Variants in CSPG5 observed in about 807,000 individuals in gnomAD.
CSPG5 encodes the protein chondroitin sulfate proteoglycan 5, also known as acidic leucine-rich EGF-like domain-containing brain protein.
A neutral mutation model predicts 39.8 loss-of-function variants in CSPG5; 25 were observed. The ratio of observed to expected loss-of-function variants is 0.63; its 90% CI spans 0.46 to 0.88. The LOEUF (loss-of-function observed/expected upper bound fraction) is 0.88. Ranked by LOEUF, CSPG5 falls within the 40% of genes least tolerant of loss-of-function variation. The pLI is 0.00. For synonymous variants in CSPG5, 295 were observed against 303.9 expected, an observed-to-expected ratio of 0.97 and a Z score of 0.31; for missense variants, 627 against 702.2, an observed-to-expected ratio of 0.89 and a Z score of 1.21.
At chr3:47,567,801 C>T (rs1188724289) in intron 4 of CSPG5, among the ~76,000 whole-genome samples, 2 of 152,184 alleles carry the variant, frequency 1.3e-5, no homozygotes, top group Non-Finnish European at 2.9e-5. Flanking sequence ...CACTTGAGCC[C>T]AGGGGTTCGA....
intron 4 of CSPG5, among the ~76,000 whole-genome samples, chr3:47,566,775 G>A (rs1359030615): frequency 2.0e-5 from 3 of 152,046 alleles, no homozygotes; most frequent in South Asian, 2.1e-4. Context: ...CTTGAGTGCC[G>A]CCCTGGCCAC....
chr3:47,570,742 G>A (rs1403422401), intron 3 of CSPG5, among the ~76,000 whole-genome samples: 12 of 151,726 alleles, frequency 7.9e-5, no homozygotes, highest in East Asian at 1.9e-4. Context: ...TCCTGACCTC[G>A]TGATCCACCC....
chr3:47,579,479 C>A (rs778568873), upstream of CSPG5: 1 of 152,218 alleles, frequency 6.6e-6, no homozygotes, highest in Non-Finnish European at 1.5e-5. This position sits in a 1 kb window ranked among gnomAD's most constrained non-coding sequence, Gnocchi z 4.2. Context: ...CGTTCGCAGC[C>A]AAAGCCACTA....
intron 2 of CSPG5, among the ~76,000 whole-genome samples, chr3:47,576,019 C>T (rs538955019): frequency 1.3e-5 from 2 of 148,604 alleles, no homozygotes; most frequent in East Asian, 2.0e-4. Context: ...CTCACTGCAA[C>T]GTCCACCTCC....
In CSPG5 at chr3:47,572,638, G is replaced by C; in HGVS notation, c.1382+48C>G. 3 of 1,539,106 alleles carry C rather than the reference G, an allele frequency of 1.9e-6. No homozygotes were observed. Among genetic ancestry groups the C allele is most frequent in the Non-Finnish European group, 2.7e-6 (3 of 1,117,134 alleles). Reference sequence around the variant, plus strand: ...TGGAGGGGTGCAGCAGCGTCGGGGGGCCTCCCACACCCTGACCTGGGTGGA... The same window carrying C: ...TGGAGGGGTGCAGCAGCGTCGGGGGCCCTCCCACACCCTGACCTGGGTGGA... On this transcript the variant is annotated intron_variant, in intron 3 of 4. Coordinates refer to ENST00000264723, the MANE Select transcript of CSPG5 (RefSeq NM_006574.4). This position sits in a 1 kb window ranked among gnomAD's most constrained non-coding sequence, Gnocchi z 4.5.
rs1321154597 is a variant in CSPG5 at position 47,576,978 on chromosome 3, A to G, written c.1048T>C (p.Leu350=). Residue 350 remains leucine (L), a synonymous_variant, in exon 2 of 5, where the codon TTG becomes CTG. Transcript: ENST00000264723. ...TCAGTGCCATTTTCACTGGAGGCCA[A>G]GTCCCTGCCTGGCTCTCCTGGGCGG... The part of the protein sequence containing the change: ...RPRPGEPGRD[L]ASSENGTECR... The G allele has an allele frequency of 6.2e-7, 1 of 1,613,818 alleles. No homozygotes were observed. Among genetic ancestry groups the G allele is most frequent in the South Asian group, 1.1e-5 (1 of 91,074 alleles).
At chr3:47,568,638 A>G (rs1441802450) in intron 4 of CSPG5, among the ~76,000 whole-genome samples, 2 of 152,208 alleles carry the variant, frequency 1.3e-5, no homozygotes, top group Non-Finnish European at 2.9e-5. Context: ...GTGAAAGCAG[A>G]GCCTTTCTCC....
At chr3:47,562,784 G>GC in intron 4 of CSPG5, 23 bp from the exon 5 acceptor site, 2 of 1,584,634 alleles carry the variant, frequency 1.3e-6, no homozygotes, top group South Asian at 1.1e-5. Flanking sequence ...AAAAGTTGGG[G>GC]GGGGGGAGAC....
intron 4 of CSPG5, among the ~76,000 whole-genome samples, chr3:47,564,238 G>A (rs1450874130): frequency 2.0e-5 from 3 of 152,196 alleles, no homozygotes; most frequent in Admixed American, 6.5e-5. Context: ...GTGAGCCCTC[G>A]TCTGTGCTGC....
At position 47,577,567 on chromosome 3, in the gene CSPG5, G is replaced by C. The variant is rs765732350; in HGVS notation, c.459C>G (p.Pro153=). The change falls in exon 2 of 5, where the codon CCC becomes CCG. Residue 153 remains proline (P), a synonymous_variant. Coordinates refer to ENST00000264723, the MANE Select transcript of CSPG5 (RefSeq NM_006574.4). This position sits in a 1 kb window ranked among gnomAD's most constrained non-coding sequence, Gnocchi z 4.7. ...TCAGCTTGTCGCCGGGGGTGGGGGA[G>C]GGTGGCCCGCTGGCCTCTGTAGCCT... ...IPEATEASGP[P]SPTPGDKLSP... is the part of the protein sequence containing the mutation. 3.7e-6 allele frequency: 6 copies of C among 1,610,652 alleles called. No individual in the cohort carries two copies. Among genetic ancestry groups the C allele is most frequent in the Non-Finnish European group, 5.1e-6 (6 of 1,179,206 alleles).
intron 2 of CSPG5, among the ~76,000 whole-genome samples, chr3:47,575,298 C>T (rs1576373115): frequency 3.9e-5 from 6 of 152,186 alleles, no homozygotes; most frequent in Admixed American, 3.9e-4. Flanking sequence ...GACAGAAATG[C>T]TCCATCTAGG....
chr3:47,576,388 C>T (rs2031731716), intron 2 of CSPG5, among the ~76,000 whole-genome samples: 1 of 152,056 alleles, frequency 6.6e-6, no homozygotes, highest in Non-Finnish European at 1.5e-5. Flanking sequence ...GTGAACATTT[C>T]TCCACCTGGG....
Position 47,577,025 on chromosome 3 carries a change from CCGGGGACCGACCCCAGAGTGTGCT to C in CSPG5, c.977_1000del (p.Gln326_Gly334delinsArg). On this transcript the variant is annotated inframe_deletion, in exon 2 of 5. Transcript: ENST00000264723. This position sits in a 1 kb window ranked among gnomAD's most constrained non-coding sequence, Gnocchi z 4.7. ...GCGGGGCCTGAGGGCGATGCTGCTG[CCGGGGACCGACCCCAGAGTGTGCT>C]GTGGAGGGACAGCATGCCACCGACT... 1 of 1,612,912 alleles carries C rather than the reference CCGGGGACCGACCCCAGAGTGTGCT, an allele frequency of 6.2e-7. No homozygotes were observed. The highest frequency in any genetic ancestry group is 8.5e-7 in the Non-Finnish European group (1 of 1,179,506).
intron 4 of CSPG5, among the ~76,000 whole-genome samples, chr3:47,567,178 G>A (rs1217474270): frequency 6.6e-6 from 1 of 152,198 alleles, no homozygotes; most frequent in Non-Finnish European, 1.5e-5. Flanking sequence ...CTTGCACTCT[G>A]TCAAGCAGAG....
In CSPG5 at chr3:47,568,814, G is replaced by A. The variant is rs543318097; in HGVS notation, c.1458+338C>T. Among the ~76,000 whole-genome samples, 6 of 152,254 alleles carry A rather than the reference G, an allele frequency of 3.9e-5. No individual in the cohort carries two copies. In the East Asian group the frequency reaches 1.2e-3, roughly 29 times the overall value. ...GAAGACCACTTGAGGCCAGGAGTTCGAGACCAGCCTGGGCAACACAGGAAG... is the reference window on the plus strand; with the variant it reads ...GAAGACCACTTGAGGCCAGGAGTTCAAGACCAGCCTGGGCAACACAGGAAG... On this transcript the variant is annotated intron_variant, in intron 4 of 4. Transcript: ENST00000264723.
Position 47,572,592 on chromosome 3 carries a change from C to A in CSPG5, c.1382+94G>T, listed in dbSNP as rs548411571. Reference sequence around the variant, plus strand: ...GGAGCACAGGTGCCAGAAACCCTCACGACAAAGTCCCTGGATCAGTTGGAG... The same window carrying A: ...GGAGCACAGGTGCCAGAAACCCTCAAGACAAAGTCCCTGGATCAGTTGGAG... On this transcript the variant is annotated intron_variant, in intron 3 of 4. Coordinates refer to ENST00000264723, the MANE Select transcript of CSPG5 (RefSeq NM_006574.4). The surrounding 1 kb of genome is among the most constrained non-coding windows in gnomAD (Gnocchi z 4.5). The A allele has an allele frequency of 5.4e-6, 6 of 1,121,320 alleles. No individual in the cohort carries two copies. The South Asian group carries it at 5.7e-5, about 11-fold the overall frequency. The allele number at this position is 1,121,320 out of a possible 1,614,324, so 69.5% of individuals were successfully genotyped here.
intron 2 of CSPG5, among the ~76,000 whole-genome samples, chr3:47,573,449 G>GC (rs921255144): frequency 6.6e-6 from 1 of 152,112 alleles, no homozygotes; most frequent in Non-Finnish European, 1.5e-5. Context: ...TATCTCTGCA[G>GC]CCCCCCCAAG....
upstream of CSPG5, chr3:47,579,156 A>G (rs1244012423): frequency 6.6e-6 from 1 of 152,160 alleles, no homozygotes; most frequent in African/African-American, 2.4e-5. The surrounding 1 kb of genome is among the most constrained non-coding windows in gnomAD (Gnocchi z 4.2). Flanking sequence ...AACAGGCGGC[A>G]CGGGGCCCCG....
Position 47,569,158 on chromosome 3 carries a change from G to A in CSPG5, c.1452C>T (p.His484=), listed in dbSNP as rs1458899127. ...FSLSTIAEGS[H]PNDDPSAPHK... ...TGTTGCAAAGTTTCCTTACATTTGG[G>A]TGAGAGCCCTCGGCAATGGTGGAGA... The change falls in exon 4 of 5, where the codon CAC becomes CAT. Residue 484 remains histidine, a synonymous_variant. Coordinates refer to ENST00000264723, the MANE Select transcript of CSPG5 (RefSeq NM_006574.4). 1.9e-6 allele frequency: 3 copies of A among 1,611,254 alleles called. No homozygotes were observed. Among genetic ancestry groups the A allele is most frequent in the Middle Eastern group, 3.3e-4 (2 of 6,050 alleles).
Sources: allele counts gnomAD v4.1 joint callset (sites outside exome capture counted in the v4.1 genomes callset), GRCh38; gene constraint gnomAD v4.1.1; non-coding constraint Gnocchi (gnomAD v3.1); transcripts MANE v1.5; gene names NCBI Gene and HGNC (gene_info 2026-07-23, HGNC 2026-07-21).